ZNF532: variants seen among roughly 807,000 people sequenced by gnomAD.
ZNF532 encodes the protein zinc finger protein 532.
Under a neutral mutation model 89.3 loss-of-function variants are expected in ZNF532, and 22 were observed. The observed-to-expected ratio is 0.25, with a 90% CI of 0.18 to 0.35. ZNF532 has a LOEUF of 0.35. Among genes scored for constraint, ZNF532 ranks in the 10% least tolerant of loss-of-function variants. ZNF532 has a pLI of 1.00. For missense variants in ZNF532, 1,132 were observed against 1,643.4 expected (o/e 0.69, Z 5.38); for synonymous variants, 606 against 649.6 (o/e 0.93, Z 1.02).
Position 58,918,478 on chromosome 18 carries a change from T to C in ZNF532, c.191T>C (p.Ile64Thr). ...PSSSDVGVSVIVKNVRNIDSS... is the reference protein window; with the variant it reads ...PSSSDVGVSVTVKNVRNIDSS... ...TCTTCTGATGTGGGTGTCAGCGTTA[T>C]CGTCAAGAATGTTCGGAACATTGAC... Residue 64 changes from isoleucine to threonine, a missense_variant, in exon 3 of 10, where the codon ATC becomes ACC. Around this residue, in one of 9 missense-constraint regions of ZNF532, gnomAD observed 302 missense variants for 319.8 expected, o/e 0.94. Coordinates refer to ENST00000591808, the MANE Select transcript of ZNF532 (RefSeq NM_001375912.1). The C allele has an allele frequency of 6.2e-7, 1 of 1,614,184 alleles. No individual in the cohort carries two copies. Among genetic ancestry groups the C allele is most frequent in the Non-Finnish European group, 8.5e-7 (1 of 1,180,032 alleles).
At chr18:58,961,538 C>G (rs2065347995) in intron 7 of ZNF532, among the ~76,000 whole-genome samples, 1 of 152,116 alleles carries the variant, frequency 6.6e-6, no homozygotes, top group African/African-American at 2.4e-5. Flanking sequence ...AGTCATTGCC[C>G]AGAATGAATT....
chr18:58,985,669 C>CCG lies in ZNF532; in HGVS notation c.*1204_*1205dup, dbSNP rs2068320152. On this transcript the variant is annotated 3_prime_UTR_variant, in exon 10 of 10. Transcript: ENST00000591808. ...CAGCAGAGGTACTCTTCTGTCCCTT[C>CCG]CGTTTATAGTTCTCTGAGAGAGTTC... is the stretch of plus-strand genomic sequence containing the variant. The CCG allele has an allele frequency of 6.6e-6, 1 of 152,328 alleles. No individual in the cohort carries two copies. The highest frequency in any genetic ancestry group is 1.5e-5 in the Non-Finnish European group (1 of 68,010). 9.4% of individuals were successfully genotyped at this position (152,328 alleles called of 1,614,324 possible).
chr18:58,916,593 C>T (rs2060618229), intron 2 of ZNF532: 4 of 462,606 alleles, frequency 8.6e-6, no homozygotes, highest in South Asian at 9.3e-5. Flanking sequence ...TTCTTCAGCT[C>T]GGTATTAACC....
chr18:58,891,416 G>C lies in ZNF532; in HGVS notation c.-18+25837G>C, dbSNP rs542105242. Among the ~76,000 whole-genome samples, 7 of 152,328 alleles carry C rather than the reference G, an allele frequency of 4.6e-5. No individual in the cohort carries two copies. In the East Asian group the frequency reaches 1.4e-3, roughly 29 times the overall value. On this transcript the variant is annotated intron_variant, in intron 2 of 9. Coordinates refer to ENST00000591808, the MANE Select transcript of ZNF532 (RefSeq NM_001375912.1). ...ATCATGGCGCATGCCTGTCATCCCA[G>C]CTACTTGGGTGGCTGAGGCATGAGA...
At chr18:58,921,065 A>C (rs1274736690) in intron 3 of ZNF532, among the ~76,000 whole-genome samples, 3 of 151,894 alleles carry the variant, frequency 2.0e-5, no homozygotes, top group Non-Finnish European at 2.9e-5. Context: ...ACTGTAGCCT[A>C]GCATTGGGGC....
At position 58,888,697 on chromosome 18, in the gene ZNF532, T is replaced by TTATATATATATA. The variant is rs71336305; in HGVS notation, c.-18+23135_-18+23146dup. Among the ~76,000 whole-genome samples the TTATATATATATA allele has an allele frequency of 1.1e-4, 5 of 45,308 alleles. 1 individual carries two copies. The highest frequency in any genetic ancestry group is 7.3e-4 in the South Asian group (1 of 1,378). 29.7% of individuals were successfully genotyped at this position (45,308 alleles called of 152,430 possible). ...GTCTCCAAGGAAGGCAAAAAAAAAA[T>TTATATATATATA]TATATATATATATATATATATATAT... On this transcript the variant is annotated intron_variant, in intron 2 of 9. Transcript: ENST00000591808.
intron 2 of ZNF532, among the ~76,000 whole-genome samples, chr18:58,888,180 A>G (rs895409012): frequency 6.6e-6 from 1 of 152,212 alleles, no homozygotes; most frequent in Non-Finnish European, 1.5e-5. Flanking sequence ...GGCAGACAGT[A>G]TAAAACTTTT....
chr18:58,920,267 C>T lies in ZNF532; in HGVS notation c.1980C>T (p.Ser660=), dbSNP rs2146093092. The part of the protein sequence containing the change: ...TKNLVFYNKC[S]LLSHARGHKE... ...ACCTCGTTTTTTACAACAAATGCAG[C>T]CTCCTTTCCCATGCCCGTGGGCATA... The change falls in exon 3 of 10, where the codon AGC becomes AGT. Residue 660 remains serine (S), a synonymous_variant. Coordinates refer to ENST00000591808, the MANE Select transcript of ZNF532 (RefSeq NM_001375912.1). 6.2e-7 allele frequency: 1 copy of T among 1,614,006 alleles called. No individual in the cohort carries two copies. Among genetic ancestry groups the T allele is most frequent in the Non-Finnish European group, 8.5e-7 (1 of 1,179,874 alleles).
intron 2 of ZNF532, among the ~76,000 whole-genome samples, chr18:58,914,629 G>GAGATCAC (rs2051348200): frequency 2.0e-5 from 3 of 151,870 alleles, no homozygotes; most frequent in African/African-American, 7.3e-5. Flanking sequence ...GCAGTGAGCC[G>GAGATCAC]AGATCACACT....
intron 2 of ZNF532, among the ~76,000 whole-genome samples, chr18:58,879,654 G>T (rs1381915657): frequency 1.3e-5 from 2 of 152,176 alleles, no homozygotes; most frequent in Non-Finnish European, 2.9e-5. Context: ...CTCCCAAAGC[G>T]CTGGGATTAC....
chr18:58,884,717 A>G (rs553676393), intron 2 of ZNF532, among the ~76,000 whole-genome samples: 3 of 152,240 alleles, frequency 2.0e-5, no homozygotes, highest in Non-Finnish European at 4.4e-5. Flanking sequence ...GTATTCACAC[A>G]GATAAGTAAC....
chr18:58,880,097 A>G (rs1212290025), intron 2 of ZNF532, among the ~76,000 whole-genome samples: 3 of 152,206 alleles, frequency 2.0e-5, no homozygotes, highest in Non-Finnish European at 4.4e-5. Context: ...GTTGGACAAA[A>G]AAGAAAGGTG....
At chr18:58,957,903 A>G (rs955032480) in intron 7 of ZNF532, among the ~76,000 whole-genome samples, 2 of 151,978 alleles carry the variant, frequency 1.3e-5, no homozygotes, top group African/African-American at 4.8e-5. Flanking sequence ...CATCTCTACT[A>G]AAAGTACAAA....
At chr18:58,955,643 A>G (rs1254145618) in intron 7 of ZNF532, among the ~76,000 whole-genome samples, 1 of 152,244 alleles carries the variant, frequency 6.6e-6, no homozygotes, top group East Asian at 1.9e-4. Context: ...TGGCCTGTGA[A>G]CATGGCTGGA....
chr18:58,909,915 C>T (rs1296572908), intron 2 of ZNF532, among the ~76,000 whole-genome samples: 1 of 152,124 alleles, frequency 6.6e-6, no homozygotes, highest in Non-Finnish European at 1.5e-5. Flanking sequence ...TGGGTTTTCC[C>T]TTTTTAACTT....
intron 2 of ZNF532, 71 bp from the exon 3 acceptor site, chr18:58,918,200 T>A: frequency 7.4e-7 from 1 of 1,352,448 alleles, no homozygotes; most frequent in Non-Finnish European, 1.0e-6. Flanking sequence ...TAGTGTGAAT[T>A]GTATAGGGGT....
chr18:58,904,806 G>C (rs1046129982), intron 2 of ZNF532, among the ~76,000 whole-genome samples: 2 of 151,770 alleles, frequency 1.3e-5, no homozygotes, highest in Middle Eastern at 3.4e-3. Flanking sequence ...AGAAATCATA[G>C]AGAATGCAAA....
chr18:58,899,726 C>T (rs975067418), intron 2 of ZNF532, among the ~76,000 whole-genome samples: 1 of 152,214 alleles, frequency 6.6e-6, no homozygotes, highest in Non-Finnish European at 1.5e-5. Flanking sequence ...CTCGGCCTCC[C>T]AATATGCTGG....
In ZNF532 at chr18:58,939,246, C is replaced by CAAAAAAAAAAA. The variant is rs71336307; in HGVS notation, c.2529-180_2529-170dup. Among the ~76,000 whole-genome samples the CAAAAAAAAAAA allele has an allele frequency of 7.0e-4, 24 of 34,510 alleles. 3 individuals carry two copies. Among genetic ancestry groups the CAAAAAAAAAAA allele is most frequent in the African/African-American group, 1.7e-3 (18 of 10,548 alleles). 22.6% of individuals were successfully genotyped at this position (34,510 alleles called of 152,430 possible). ...TGGGCGACAGAGCGAGACGTTGTCT[C>CAAAAAAAAAAA]AAAAAAAAAAAAAAAAAAAAAAAAA... On this transcript the variant is annotated intron_variant, in intron 4 of 9. Transcript: ENST00000591808.
Sources: gnomAD v4.1 joint callset for allele counts (sites outside exome capture counted in the v4.1 genomes callset) on GRCh38, gnomAD v4.1.1 for gene constraint, gnomAD v4.1.1 regional missense constraint, MANE v1.5 for transcripts, NCBI Gene and HGNC (gene_info 2026-07-23, HGNC 2026-07-21) for gene names.